The following TMEM183A variants were observed in gnomAD, a reference collection of about 807,000 sequenced individuals.
TMEM183A encodes chromosome 1 open reading frame 37.
A neutral mutation model predicts 46.7 loss-of-function variants in TMEM183A; 21 were observed. The ratio of observed to expected loss-of-function variants is 0.45; its 90% CI spans 0.32 to 0.65. TMEM183A has a LOEUF of 0.65. Among genes scored for constraint, TMEM183A ranks in the 30% least tolerant of loss-of-function variants. The probability of loss-of-function intolerance (pLI) is 0.04; values close to 1 mark genes in which losing one functional copy is unlikely to be tolerated. For missense variants in TMEM183A, 331 were observed against 481.9 expected, an observed-to-expected ratio of 0.69 and a Z score of 2.93; for synonymous variants, 165 against 180.2, an observed-to-expected ratio of 0.92 and a Z score of 0.68.
At chr1:203,019,731 C>T (rs962592051) in intron 6 of TMEM183A, among the ~76,000 whole-genome samples, 1 of 152,106 alleles carries the variant, frequency 6.6e-6, no homozygotes, top group Non-Finnish European at 1.5e-5. Flanking sequence ...CATGAACTCT[C>T]CAGTTGCAAA....
intron 3 of TMEM183A, among the ~76,000 whole-genome samples, chr1:203,012,778 G>T (rs1368729290): frequency 1.3e-5 from 2 of 152,126 alleles, no homozygotes; most frequent in Admixed American, 6.5e-5. Flanking sequence ...TGCCCAGGCT[G>T]GATTGCAGTG....
intron 3 of TMEM183A, among the ~76,000 whole-genome samples, chr1:203,011,248 A>C (rs1359404890): frequency 6.6e-6 from 1 of 152,178 alleles, no homozygotes; most frequent in South Asian, 2.1e-4. Flanking sequence ...AGTGTATAAG[A>C]GTTCCAGTTT....
chr1:203,016,980 A>T (rs1332409319), intron 5 of TMEM183A, among the ~76,000 whole-genome samples: 1 of 152,196 alleles, frequency 6.6e-6, no homozygotes, highest in African/African-American at 2.4e-5. Flanking sequence ...ATTGCACATT[A>T]TATAATGATT....
rs1657064380 is a variant in TMEM183A, at chr1:203,015,290, T to A, written c.527+242T>A. The A allele has an allele frequency of 4.1e-5, 23 of 555,224 alleles. No homozygotes were observed. The East Asian group carries it at 7.3e-4, about 18-fold the overall frequency. 34.4% of individuals were successfully genotyped at this position (555,224 alleles called of 1,614,324 possible). On this transcript the variant is annotated intron_variant, in intron 4 of 7. Coordinates refer to ENST00000367242, the MANE Select transcript of TMEM183A (RefSeq NM_138391.6). ...TCCAGTATCCACTTTCAGCAAAACG[T>A]CTTGCTTCAAGTCCCAGATAGAAGA... is the stretch of plus-strand genomic sequence containing the variant.
In TMEM183A at chr1:203,022,938, A is replaced by G. The variant is rs892742126; in HGVS notation, c.1029A>G (p.Lys343=). The change falls in exon 8 of 8, where the codon AAA becomes AAG. Residue 343 remains lysine, a synonymous_variant. Transcript: ENST00000367242. ...FQDSPVHGGR[K]LRSEQGVQVI... is the part of the protein sequence containing the mutation. ...ATTCCCCTGTCCATGGTGGTCGGAA[A>G]CTGCGCAGTGAACAGGGTGTGCAAG... The G allele has an allele frequency of 3.1e-6, 5 of 1,612,946 alleles. No homozygotes were observed. In the Admixed American group the frequency reaches 8.3e-5, roughly 27 times the overall value.
At chr1:203,014,803 G>C (rs1386971286) in intron 3 of TMEM183A, 86 bp from the exon 4 acceptor site, 53 of 1,535,954 alleles carry the variant, frequency 3.5e-5, no homozygotes, top group Non-Finnish European at 4.0e-5. Context: ...TCTTAACTGT[G>C]CAATCAATCC....
intron 5 of TMEM183A, among the ~76,000 whole-genome samples, chr1:203,016,821 A>C (rs1186612873): frequency 2.0e-5 from 3 of 152,180 alleles, no homozygotes; most frequent in Non-Finnish European, 4.4e-5. Context: ...TGATTTGTAA[A>C]TATGTCTACT....
At chr1:203,016,460 A>C (rs1006337277) in intron 5 of TMEM183A, among the ~76,000 whole-genome samples, 1 of 152,226 alleles carries the variant, frequency 6.6e-6, no homozygotes, top group Non-Finnish European at 1.5e-5. Context: ...GCATAACTCA[A>C]ATGGTAGACG....
intron 4 of TMEM183A, 160 bp from the exon 5 acceptor site, chr1:203,015,800 G>C: frequency 1.2e-6 from 1 of 859,928 alleles, no homozygotes; most frequent in Non-Finnish European, 1.7e-6. Context: ...AGGCAAAGAC[G>C]TAAAAGTCGC....
rs1657993477 is a variant in TMEM183A at position 203,024,430 on chromosome 1, A to G, written c.*1390A>G. The G allele has an allele frequency of 1.3e-5, 2 of 151,976 alleles. No homozygotes were observed. Among genetic ancestry groups the G allele is most frequent in the South Asian group, 4.2e-4 (2 of 4,800 alleles). The allele number at this position is 151,976 out of a possible 1,614,324, so 9.4% of individuals were successfully genotyped here. A position where few individuals can be genotyped will look rare whatever the true frequency, so the allele number is the denominator to read the frequency against. ...ATATTGCCAGGAGGTGGGCATTAAG[A>G]CAGTATTCTTTAAAAGTGAAAATCT... On this transcript the variant is annotated 3_prime_UTR_variant, in exon 8 of 8. Coordinates refer to ENST00000367242, the MANE Select transcript of TMEM183A (RefSeq NM_138391.6).
At chr1:203,018,454 G>C in intron 5 of TMEM183A, 27 bp from the exon 6 acceptor site, 2 of 1,578,924 alleles carry the variant, frequency 1.3e-6, no homozygotes, top group South Asian at 2.4e-5. Context: ...CTTTTTCTTG[G>C]TTTATTTTAT....
Position 203,024,297 on chromosome 1 carries a change from G to C in TMEM183A, c.*1257G>C, listed in dbSNP as rs1393400280. Reference sequence around the variant, plus strand: ...GACTCCTATTGTTCAGGTGTACTCTGAGAAGAGAATCACGTTTTTCTGTTT... The same window carrying C: ...GACTCCTATTGTTCAGGTGTACTCTCAGAAGAGAATCACGTTTTTCTGTTT... On this transcript the variant is annotated 3_prime_UTR_variant, in exon 8 of 8. Transcript: ENST00000367242. 1 of 152,152 alleles carries C rather than the reference G, an allele frequency of 6.6e-6. No individual in the cohort carries two copies. The highest frequency in any genetic ancestry group is 2.4e-5 in the African/African-American group (1 of 41,434). The allele number at this position is 152,152 out of a possible 1,614,324, so 9.4% of individuals were successfully genotyped here.
intron 4 of TMEM183A, chr1:203,015,336 G>T: frequency 2.3e-6 from 1 of 427,894 alleles, no homozygotes; most frequent in Non-Finnish European, 4.2e-6. Flanking sequence ...TTTCTTCAGA[G>T]GCTTATTTTA....
chr1:203,011,013 T>C (rs1367915077), intron 3 of TMEM183A, among the ~76,000 whole-genome samples: 2 of 152,242 alleles, frequency 1.3e-5, no homozygotes, highest in Non-Finnish European at 2.9e-5. Flanking sequence ...ATCCATACTA[T>C]GCATGTATCA....
chr1:203,008,087 T>C (rs1342034402), intron 2 of TMEM183A, among the ~76,000 whole-genome samples: 2 of 152,240 alleles, frequency 1.3e-5, no homozygotes, highest in Non-Finnish European at 2.9e-5. Context: ...TTGCATACTT[T>C]TTAGTTTCCA....
At chr1:203,015,090 T>C in intron 4 of TMEM183A, 42 bp downstream of exon 4, 1 of 1,602,746 alleles carries the variant, frequency 6.2e-7, no homozygotes, top group African/African-American at 1.3e-5. Context: ...GTGTGGCTGA[T>C]TTCATTACTG....
rs770319104 is a variant in TMEM183A at position 203,007,500 on chromosome 1, G to A, written c.35G>A (p.Arg12His). 442 of 1,517,484 alleles carry A rather than the reference G, an allele frequency of 2.9e-4. No individual in the cohort carries two copies. The highest frequency in any genetic ancestry group is 7.5e-4 in the Admixed American group (38 of 50,474). 94.0% of individuals were successfully genotyped at this position (1,517,484 alleles called of 1,614,324 possible). A position where few individuals can be genotyped will look rare whatever the true frequency, so the allele number is the denominator to read the frequency against. The change falls in exon 1 of 8, where the codon CGC (arginine) becomes CAC (histidine). Residue 12 changes from arginine (R) to histidine (H), a missense_variant. Physicochemically the swap from Arg to His is conservative, Grantham distance 29. Around this residue, in one of 2 missense-constraint regions of TMEM183A, gnomAD observed 98 missense variants for 96.1 expected, o/e 1.02. Transcript: ENST00000367242. ...GGGCCCGGCCCGCTAGGCAGGCCTCGCCCCGATACGGTCGCCATGCCCAAG... is the reference window on the plus strand; with the variant it reads ...GGGCCCGGCCCGCTAGGCAGGCCTCACCCCGATACGGTCGCCATGCCCAAG... The part of the protein sequence containing the change: ...ARGPGPLGRP[R>H]PDTVAMPKRG...
At chr1:203,010,918 T>G (rs1656512704) in intron 3 of TMEM183A, among the ~76,000 whole-genome samples, 1 of 152,236 alleles carries the variant, frequency 6.6e-6, no homozygotes, top group Non-Finnish European at 1.5e-5. Context: ...ACTTACCTAT[T>G]CTGACATTTC....
intron 5 of TMEM183A, among the ~76,000 whole-genome samples, chr1:203,016,459 A>G (rs1657178124): frequency 6.6e-6 from 1 of 152,246 alleles, no homozygotes; most frequent in South Asian, 2.1e-4. Context: ...AGCATAACTC[A>G]AATGGTAGAC....
Sources: gnomAD v4.1 joint callset for allele counts (sites outside exome capture counted in the v4.1 genomes callset) on GRCh38, gnomAD v4.1.1 for gene constraint, gnomAD v4.1.1 regional missense constraint, MANE v1.5 for transcripts, NCBI Gene and HGNC (gene_info 2026-07-23, HGNC 2026-07-21) for gene names.